Variants in SLC26A4 observed in about 807,000 individuals in gnomAD.
SLC26A4 encodes the protein solute carrier family 26 member 4.
A neutral mutation model predicts 90.4 loss-of-function variants in SLC26A4; 93 were observed. The observed-to-expected ratio is 1.03, with a 90% CI of 0.87 to 1.22. The LOEUF (loss-of-function observed/expected upper bound fraction) is 1.22. Among genes scored for constraint, SLC26A4 ranks in the 50% most tolerant of loss-of-function variants. The pLI is 0.00. For missense variants in SLC26A4, 1,127 were observed against 946.2 expected (o/e 1.19, Z -2.51); for synonymous variants, 393 against 354.6 (o/e 1.11, Z -1.22).
chr7:107,667,565 TG>T (rs1790753124), intron 3 of SLC26A4, among the ~76,000 whole-genome samples: 1 of 151,488 alleles, frequency 6.6e-6, no homozygotes, highest in Admixed American at 6.6e-5. Flanking sequence ...TAAGAAGTTT[TG>T]CCATGAATCA....
At chr7:107,672,028 T>A (rs937140926) in intron 3 of SLC26A4, 110 bp from the exon 4 acceptor site, 10 of 739,932 alleles carry the variant, frequency 1.4e-5, no homozygotes, top group Non-Finnish European at 2.0e-5. Context: ...TGCATATTGC[T>A]TTTGCATCAT....
intron 13 of SLC26A4, among the ~76,000 whole-genome samples, chr7:107,696,801 T>C (rs935122758): frequency 2.6e-5 from 4 of 152,230 alleles, no homozygotes; most frequent in Non-Finnish European, 5.9e-5. Context: ...AGTGCCCTCC[T>C]GGGCCTAGAG....
At chr7:107,711,993 C>G (rs1199789787) in intron 19 of SLC26A4, among the ~76,000 whole-genome samples, 3 of 152,150 alleles carry the variant, frequency 2.0e-5, no homozygotes, top group African/African-American at 7.2e-5. Context: ...AACACAAAGC[C>G]AAAATTGTCG....
intron 18 of SLC26A4, among the ~76,000 whole-genome samples, chr7:107,705,968 C>T (rs1562841641): frequency 6.6e-6 from 1 of 152,202 alleles, no homozygotes; most frequent in Non-Finnish European, 1.5e-5. Flanking sequence ...GCTTACAGAG[C>T]TTCAGGAACT....
Position 107,710,130 on chromosome 7 carries a change from C to A in SLC26A4, c.2166C>A (p.Val722=). Residue 722 remains valine, a synonymous_variant, in exon 19 of 21, where the codon GTC becomes GTA. Transcript: ENST00000644269. ...GAAAGGACACATTCTTTTTGACGGT[C>A]CATGATGCTATACTCTATCTACAGA... is the stretch of plus-strand genomic sequence containing the variant. ...NIRKDTFFLT[V]HDAILYLQNQ... 6.2e-7 allele frequency: 1 copy of A among 1,607,944 alleles called. No individual in the cohort carries two copies. The highest frequency in any genetic ancestry group is 8.5e-7 in the Non-Finnish European group (1 of 1,174,370).
intron 6 of SLC26A4, among the ~76,000 whole-genome samples, chr7:107,680,016 A>C (rs1226249341): frequency 1.0e-4 from 14 of 133,402 alleles, no homozygotes; most frequent in African/African-American, 2.3e-4. Context: ...ATTATATAAT[A>C]TAATCTTATT....
At chr7:107,715,106 G>A (rs1347513437) in intron 20 of SLC26A4, among the ~76,000 whole-genome samples, 1 of 149,726 alleles carries the variant, frequency 6.7e-6, no homozygotes, top group South Asian at 2.1e-4. Flanking sequence ...GTGGTGGCAG[G>A]CACCTGTAAT....
At chr7:107,675,400 G>A (rs1233931725) in intron 6 of SLC26A4, among the ~76,000 whole-genome samples, 1 of 151,532 alleles carries the variant, frequency 6.6e-6, no homozygotes, top group African/African-American at 2.4e-5. Flanking sequence ...TCAGCTACTT[G>A]GGAGGCTGAG....
At chr7:107,710,008 T>C (rs772398108) in intron 18 of SLC26A4, 46 bp from the exon 19 acceptor site, 2 of 1,560,652 alleles carry the variant, frequency 1.3e-6, no homozygotes, top group East Asian at 2.2e-5. Flanking sequence ...CAAACAAAAA[T>C]TTCTTTTCCT....
chr7:107,694,356 C>A, intron 10 of SLC26A4, 47 bp from the exon 11 acceptor site: 1 of 1,464,702 alleles, frequency 6.8e-7, no homozygotes, highest in Non-Finnish European at 9.6e-7. Flanking sequence ...CTGGAAGACA[C>A]AAGGGAGAAG....
intron 13 of SLC26A4, among the ~76,000 whole-genome samples, chr7:107,697,397 C>G (rs1482718488): frequency 6.6e-6 from 1 of 152,136 alleles, no homozygotes. Flanking sequence ...ATCCAGAGAG[C>G]ACAATGCTGA....
intron 19 of SLC26A4, among the ~76,000 whole-genome samples, chr7:107,711,215 C>G (rs923520529): frequency 6.6e-6 from 1 of 150,770 alleles, no homozygotes; most frequent in African/African-American, 2.4e-5. Context: ...ATTGAAAATT[C>G]ATAAACTTTT....
At chr7:107,686,648 T>C (rs1275349576) in intron 8 of SLC26A4, among the ~76,000 whole-genome samples, 1 of 151,916 alleles carries the variant, frequency 6.6e-6, no homozygotes, top group Non-Finnish European at 1.5e-5. Context: ...CTGCCATGCC[T>C]GGCTAATTTT....
intron 20 of SLC26A4, among the ~76,000 whole-genome samples, chr7:107,715,042 T>C (rs1057193957): frequency 7.3e-6 from 1 of 137,778 alleles, no homozygotes; most frequent in Non-Finnish European, 1.5e-5. Flanking sequence ...CTGACTAACA[T>C]GGTAACCCCC....
chr7:107,692,380 T>C (rs1026364265), intron 10 of SLC26A4, among the ~76,000 whole-genome samples: 1 of 152,192 alleles, frequency 6.6e-6, no homozygotes, highest in African/African-American at 2.4e-5. Flanking sequence ...ATGTTGGAAC[T>C]TCAGTTTCAG....
chr7:107,689,850 C>G (rs897490499), intron 9 of SLC26A4, among the ~76,000 whole-genome samples: 1 of 152,148 alleles, frequency 6.6e-6, no homozygotes, highest in African/African-American at 2.4e-5. Context: ...ATTCCATTCA[C>G]TAGGCAGTGA....
chr7:107,708,218 CA>C (rs752044204), intron 18 of SLC26A4, among the ~76,000 whole-genome samples: 38 of 152,166 alleles, frequency 2.5e-4, no homozygotes, highest in Non-Finnish European at 4.9e-4. Flanking sequence ...CCAACTCAAT[CA>C]CATAAAATTT....
At chr7:107,706,888 G>A (rs1297180836) in intron 18 of SLC26A4, among the ~76,000 whole-genome samples, 1 of 152,172 alleles carries the variant, frequency 6.6e-6, no homozygotes. Flanking sequence ...TGCTTAACAA[G>A]GCTGGGTGCG....
At chr7:107,668,886 C>T (rs780685303) in intron 3 of SLC26A4, among the ~76,000 whole-genome samples, 3 of 152,130 alleles carry the variant, frequency 2.0e-5, no homozygotes, top group Non-Finnish European at 2.9e-5. Context: ...ACCTGCTTTG[C>T]CAGTATTTGT....
Sources: allele counts gnomAD v4.1 joint callset (sites outside exome capture counted in the v4.1 genomes callset), GRCh38; gene constraint gnomAD v4.1.1; transcripts MANE v1.5; gene names NCBI Gene and HGNC (gene_info 2026-07-23, HGNC 2026-07-21).